Variants in RRP12 observed in about 807,000 individuals in gnomAD.
The protein encoded by RRP12 is RRP12-like protein.
A neutral mutation model predicts 157.3 loss-of-function variants in RRP12; 78 were observed. The observed-to-expected ratio is 0.50, with a 90% CI of 0.41 to 0.60. The LOEUF is 0.60. RRP12 is among the 20% of genes least tolerant of loss of function. RRP12 has a pLI of 0.00. For missense variants in RRP12, 1,521 were observed against 1,679.9 expected, an observed-to-expected ratio of 0.91 and a Z score of 1.65; for synonymous variants, 726 against 670.9, an observed-to-expected ratio of 1.08 and a Z score of -1.27.
chr10:97,366,182 A>C lies in RRP12; in HGVS notation c.3443T>G (p.Val1148Gly), dbSNP rs1589413524. The change falls in exon 29 of 34, where the codon GTG becomes GGG. Residue 1148 changes from valine (V) to glycine (G), a missense_variant. Physicochemically the swap from Val to Gly is moderately radical, Grantham distance 109. Transcript: ENST00000370992. Reference protein sequence around the residue: ...RGRKKDHGFKVSADGRLIIRE... With the variant: ...RGRKKDHGFKGSADGRLIIRE... ...TATGATCAGCCGGCCATCGGCGCTC[A>C]CCTTGAAGCCGTGGTCCTTCTTCCT... 1 of 1,610,552 alleles carries C rather than the reference A, an allele frequency of 6.2e-7. No individual in the cohort carries two copies. Among genetic ancestry groups the C allele is most frequent in the African/African-American group, 1.3e-5 (1 of 74,790 alleles).
chr10:97,388,019 T>A, intron 8 of RRP12: 1 of 463,100 alleles, frequency 2.2e-6, no homozygotes, highest in Non-Finnish European at 3.9e-6. Context: ...ACCAGCCCAC[T>A]ACAGATCCAC....
intron 20 of RRP12, 151 bp from the exon 21 acceptor site, chr10:97,371,232 G>A: frequency 1.2e-6 from 1 of 811,786 alleles, no homozygotes; most frequent in Non-Finnish European, 1.9e-6. Flanking sequence ...TGGACAGCGA[G>A]TGGCTAACTC....
chr10:97,388,664 G>A (rs763714208), intron 6 of RRP12, 40 bp from the exon 7 acceptor site: 115 of 1,602,880 alleles, frequency 7.2e-5, no homozygotes, highest in South Asian at 1.5e-4. Flanking sequence ...CCAGATCAGC[G>A]TTCCACCAGC....
chr10:97,384,202 T>A lies in RRP12; in HGVS notation c.1208+964A>T, dbSNP rs532489729. Among the ~76,000 whole-genome samples, 7 of 85,526 alleles carry A rather than the reference T, an allele frequency of 8.2e-5. No homozygotes were observed. The South Asian group carries it at 2.5e-3, about 31-fold the overall frequency. 56.1% of individuals were successfully genotyped at this position (85,526 alleles called of 152,430 possible). ...GCATCCCCAACCTCAGCAGCCAGGA[T>A]GGGGCTCTGAGCACCCCCAACCTCA... is the stretch of plus-strand genomic sequence containing the variant. On this transcript the variant is annotated intron_variant, in intron 10 of 33. Transcript: ENST00000370992.
intron 8 of RRP12, among the ~76,000 whole-genome samples, chr10:97,387,716 A>G (rs10786337): frequency 0.38 from 57,834 of 151,098 alleles, 11,558 homozygotes; most frequent in African/African-American, 0.5. Flanking sequence ...TGAGGCGGGC[A>G]GATCACCTGA....
chr10:97,359,516 T>C (rs1205413801), intron 31 of RRP12, among the ~76,000 whole-genome samples: 5 of 152,178 alleles, frequency 3.3e-5, no homozygotes, highest in Non-Finnish European at 7.4e-5. Flanking sequence ...CACTGTGGCT[T>C]AGAGAGATCA....
intron 29 of RRP12, chr10:97,365,851 C>T (rs935509876): frequency 2.8e-5 from 13 of 459,094 alleles, no homozygotes; most frequent in Non-Finnish European, 4.2e-5. Flanking sequence ...AGACTAACAG[C>T]GTATCACACA....
At chr10:97,358,755 G>A in intron 32 of RRP12, 136 bp from the exon 33 acceptor site, 1 of 817,148 alleles carries the variant, frequency 1.2e-6, no homozygotes, top group Non-Finnish European at 2.1e-6. Flanking sequence ...ATCCTTGGAA[G>A]GCCATTCAAT....
rs778446627 is a variant in RRP12, at chr10:97,369,501, T to C, written c.2879A>G (p.Lys960Arg). Residue 960 changes from lysine to arginine, a missense_variant, in exon 25 of 34, where the codon AAG (lysine) becomes AGG (arginine). Physicochemically the swap from Lys to Arg is conservative, Grantham distance 26. Transcript: ENST00000370992. ...CACCTTGATGAAGCCCAGTGCAGAC[T>C]TGACCACGTCACGGGTGCGGGAGGC... Reference protein sequence around the residue: ...LLASRTRDVVKSALGFIKVAV... With the variant: ...LLASRTRDVVRSALGFIKVAV... The C allele has an allele frequency of 1.2e-5, 19 of 1,608,512 alleles. No homozygotes were observed. In the South Asian group the frequency reaches 1.2e-4, roughly 10 times the overall value.
rs369673328 is a variant in RRP12, at chr10:97,380,878, G to A, written c.1454C>T (p.Ala485Val). 92 of 1,614,114 alleles carry A rather than the reference G, an allele frequency of 5.7e-5. No individual in the cohort carries two copies. The African/African-American group carries it at 9.7e-4, about 17-fold the overall frequency. Residue 485 changes from alanine to valine, a missense_variant, in exon 13 of 34, where the codon GCG (alanine) becomes GTG (valine). By Grantham distance (64) the Ala-to-Val change is moderately conservative (BLOSUM62 0). Coordinates refer to ENST00000370992, the MANE Select transcript of RRP12 (RefSeq NM_015179.4). ...VEEGLTYKFH[A>V]AWSSVLQLLC... ...CAGCTGCAACACGGAGCTCCAGGCC[G>A]CATGGAATTTGTACGTCAGGCCCTC...
At chr10:97,387,978 G>T in intron 8 of RRP12, 2 of 383,556 alleles carry the variant, frequency 5.2e-6, no homozygotes, top group Admixed American at 4.6e-5. Context: ...ATTGGTATAG[G>T]GTACATAGAG....
chr10:97,381,203 C>T (rs959190415), intron 12 of RRP12, among the ~76,000 whole-genome samples, 183 bp downstream of exon 12: 2 of 152,234 alleles, frequency 1.3e-5, no homozygotes, highest in Admixed American at 1.3e-4. Flanking sequence ...GTGGCTAAAA[C>T]ATGGCAGGTG....
intron 15 of RRP12, among the ~76,000 whole-genome samples, chr10:97,377,291 T>C (rs12258560): frequency 0.38 from 58,086 of 151,306 alleles, 11,625 homozygotes; most frequent in African/African-American, 0.5. Flanking sequence ...CCGAGGCAGG[T>C]AGATTTTCTG....
At chr10:97,397,942 C>A in intron 2 of RRP12, among the ~76,000 whole-genome samples, 1 of 136,200 alleles carries the variant, frequency 7.3e-6, no homozygotes, top group Non-Finnish European at 1.6e-5. Flanking sequence ...AGAAAAGAAA[C>A]TAATCACATT....
intron 13 of RRP12, 34 bp from the exon 14 acceptor site, chr10:97,379,804 A>G: frequency 6.4e-7 from 1 of 1,565,626 alleles, no homozygotes; most frequent in Non-Finnish European, 8.7e-7. Context: ...ACATCAAGAC[A>G]TGCTCGAAAG....
intron 2 of RRP12, 74 bp downstream of exon 2, chr10:97,400,231 C>T (rs571918200): frequency 4.0e-4 from 443 of 1,098,022 alleles, no homozygotes; most frequent in Middle Eastern, 2.0e-3. Flanking sequence ...GGAGACCTGT[C>T]GGCCAGAGCT....
chr10:97,365,889 GTTTCC>G, intron 29 of RRP12: 1 of 590,906 alleles, frequency 1.7e-6, no homozygotes, highest in East Asian at 3.0e-5. Context: ...ATTTCCGATA[GTTTCC>G]TTTAAGTTAA....
chr10:97,367,137 C>T lies in RRP12; in HGVS notation c.2956-5G>A, dbSNP rs974476217. 14 of 1,613,494 alleles carry T rather than the reference C, an allele frequency of 8.7e-6. No individual in the cohort carries two copies. Among genetic ancestry groups the T allele is most frequent in the East Asian group, 6.7e-5 (3 of 44,890 alleles). On this transcript the variant is annotated splice_polypyrimidine_tract_variant and splice_region_variant and intron_variant, in intron 25 of 33. Coordinates refer to ENST00000370992, the MANE Select transcript of RRP12 (RefSeq NM_015179.4). Reference sequence around the variant, plus strand: ...AAGCTTCCCAATGGCTTCCATCTGCCGGACAGAGCACCAGGCTTTCAGGGA... The same window carrying T: ...AAGCTTCCCAATGGCTTCCATCTGCTGGACAGAGCACCAGGCTTTCAGGGA...
In RRP12 at chr10:97,368,175, C is replaced by T. The variant is rs148566962; in HGVS notation, c.2956-1043G>A. ...CCACATGAACAGCTGGGACTACAGG[C>T]GCGCACCACCATGCCTGGCTAATTT... On this transcript the variant is annotated intron_variant, in intron 25 of 33. Coordinates refer to ENST00000370992, the MANE Select transcript of RRP12 (RefSeq NM_015179.4). Among the ~76,000 whole-genome samples the T allele has an allele frequency of 2.6e-3, 397 of 151,006 alleles. 1 individual carries two copies. The highest frequency in any genetic ancestry group is 0.01 in the Middle Eastern group (3 of 286).
Sources: allele counts gnomAD v4.1 joint callset (sites outside exome capture counted in the v4.1 genomes callset), GRCh38; gene constraint gnomAD v4.1.1; transcripts MANE v1.5; gene names NCBI Gene and HGNC (gene_info 2026-07-23, HGNC 2026-07-21).